MEGF11: variants seen among roughly 807,000 people sequenced by gnomAD.
MEGF11 encodes multiple EGF like domains 11.
Under a neutral mutation model 146.6 loss-of-function variants are expected in MEGF11, and 126 were observed. The ratio of observed to expected loss-of-function variants is 0.86; its 90% CI spans 0.74 to 1.00. The LOEUF (loss-of-function observed/expected upper bound fraction) is 1.00, where lower values mean the gene tolerates loss of function less well. Among genes scored for constraint, MEGF11 ranks in the 50% least tolerant of loss-of-function variants. The pLI, the probability that MEGF11 is intolerant of heterozygous loss-of-function variation, is 0.00. For missense variants in MEGF11, 1,509 were observed against 1,521.2 expected, an observed-to-expected ratio of 0.99 and a Z score of 0.13; for synonymous variants, 532 against 583.4, an observed-to-expected ratio of 0.91 and a Z score of 1.27.
At chr15:66,030,022 ATG>A (rs1234325944) in intron 5 of MEGF11, among the ~76,000 whole-genome samples, 1 of 152,152 alleles carries the variant, frequency 6.6e-6, no homozygotes, top group Non-Finnish European at 1.5e-5. Flanking sequence ...TCTCCAACCA[ATG>A]TTATCTCAGC....
chr15:65,957,452 C>T lies in MEGF11; in HGVS notation c.1287+95G>A, dbSNP rs972931362. 152 of 1,225,082 alleles carry T rather than the reference C, an allele frequency of 1.2e-4. 1 individual carries two copies. In the Admixed American group the frequency reaches 3.5e-3, roughly 28 times the overall value. The allele number at this position is 1,225,082 out of a possible 1,614,324, so 75.9% of individuals were successfully genotyped here. ...CTCTGAGGCGGACACAAGGAGGCAG[C>T]TGGGTGCAGGGCCACAGTCCTGATT... On this transcript the variant is annotated intron_variant, in intron 10 of 25. Transcript: ENST00000395614.
At chr15:66,213,197 A>C (rs2091506356) in intron 1 of MEGF11, among the ~76,000 whole-genome samples, 1 of 152,150 alleles carries the variant, frequency 6.6e-6, no homozygotes, top group Admixed American at 6.5e-5. Flanking sequence ...CTCGTGAATA[A>C]AATAAATGAA....
At chr15:66,242,957 C>A (rs1262064556) in intron 1 of MEGF11, among the ~76,000 whole-genome samples, 3 of 152,168 alleles carry the variant, frequency 2.0e-5, no homozygotes, top group African/African-American at 7.2e-5. Context: ...TGCCACTTGT[C>A]TCTGGGTAAA....
At chr15:66,119,307 G>T in intron 3 of MEGF11, 121 bp from the exon 4 acceptor site, 1 of 679,462 alleles carries the variant, frequency 1.5e-6, no homozygotes, top group Non-Finnish European at 2.5e-6. Context: ...AATGCATGGC[G>T]ACTTCAAATA....
At chr15:66,081,401 TAG>T (rs1158010104) in intron 5 of MEGF11, among the ~76,000 whole-genome samples, 4 of 152,156 alleles carry the variant, frequency 2.6e-5, no homozygotes, top group African/African-American at 9.7e-5. Context: ...TTTCTTGAGA[TAG>T]AGTCTCACTC....
chr15:65,900,093 G>A (rs534122664), intron 24 of MEGF11, among the ~76,000 whole-genome samples: 1 of 152,168 alleles, frequency 6.6e-6, no homozygotes, highest in Non-Finnish European at 1.5e-5. Flanking sequence ...CTCTAATCTA[G>A]CAGCTCTGAC....
At position 66,128,387 on chromosome 15, in the gene MEGF11, G is replaced by A. The variant is rs148958597; in HGVS notation, c.17C>T (p.Thr6Met). ...CAGGAAGGAGAAGGCAATGAGCCCCGTCAGGGAGAGCACCATCCCGGGCCC... is the reference window on the plus strand; with the variant it reads ...CAGGAAGGAGAAGGCAATGAGCCCCATCAGGGAGAGCACCATCCCGGGCCC... Reference protein sequence around the residue: MVLSLTGLIAFSFLQA... With the variant: MVLSLMGLIAFSFLQA... Residue 6 changes from threonine (T) to methionine (M), a missense_variant, in exon 2 of 26, where the codon ACG becomes ATG. Transcript: ENST00000395614. 3.2e-5 allele frequency: 49 copies of A among 1,516,478 alleles called. No homozygotes were observed. The highest frequency in any genetic ancestry group is 3.2e-4 in the East Asian group (12 of 37,990). 93.9% of individuals were successfully genotyped at this position (1,516,478 alleles called of 1,614,324 possible).
At chr15:66,245,530 G>A (rs1168751092) in intron 1 of MEGF11, among the ~76,000 whole-genome samples, 3 of 152,164 alleles carry the variant, frequency 2.0e-5, no homozygotes, top group Middle Eastern at 3.4e-3. Flanking sequence ...TACCCTGGAG[G>A]CTGAGGCGGG....
chr15:66,041,451 TC>T (rs1488834238), intron 5 of MEGF11, among the ~76,000 whole-genome samples: 2 of 152,252 alleles, frequency 1.3e-5, no homozygotes, highest in African/African-American at 4.8e-5. Context: ...GGCTCTGTGC[TC>T]CACAACAACT....
intron 5 of MEGF11, among the ~76,000 whole-genome samples, chr15:66,075,029 C>T (rs973573464): frequency 5.9e-5 from 9 of 152,166 alleles, no homozygotes; most frequent in African/African-American, 2.2e-4. Context: ...AAAATATATT[C>T]TGGATATTAA....
intron 5 of MEGF11, among the ~76,000 whole-genome samples, chr15:66,091,798 A>G (rs2086334156): frequency 6.6e-6 from 1 of 152,234 alleles, no homozygotes; most frequent in Admixed American, 6.5e-5. Flanking sequence ...AGCATTTAAG[A>G]GGAATAAAGG....
At chr15:66,071,910 T>G (rs2085383834) in intron 5 of MEGF11, among the ~76,000 whole-genome samples, 1 of 152,220 alleles carries the variant, frequency 6.6e-6, no homozygotes, top group Admixed American at 6.5e-5. Context: ...CCACCCAGCA[T>G]CAGCATCTGA....
chr15:66,029,589 G>T (rs565020427), intron 5 of MEGF11, among the ~76,000 whole-genome samples: 2 of 152,336 alleles, frequency 1.3e-5, no homozygotes, highest in South Asian at 2.1e-4. Context: ...ACTGATGAAC[G>T]GTGGTGTGAT....
chr15:66,005,119 A>G (rs2082481329), intron 5 of MEGF11, among the ~76,000 whole-genome samples: 1 of 152,172 alleles, frequency 6.6e-6, no homozygotes, highest in Non-Finnish European at 1.5e-5. Flanking sequence ...AAACAGATAC[A>G]AATTAATGGT....
chr15:66,090,053 G>A (rs755952054), intron 5 of MEGF11, among the ~76,000 whole-genome samples: 7 of 152,210 alleles, frequency 4.6e-5, no homozygotes, highest in Non-Finnish European at 1.0e-4. Flanking sequence ...AGGCAAATCA[G>A]CATCATCTCT....
intron 9 of MEGF11, among the ~76,000 whole-genome samples, chr15:65,963,381 C>T (rs917683135): frequency 2.0e-5 from 3 of 151,198 alleles, no homozygotes; most frequent in Admixed American, 6.6e-5. Flanking sequence ...TACTTGGGCA[C>T]ATGTTGGGAC....
At chr15:66,213,152 GC>G (rs879696138) in intron 1 of MEGF11, among the ~76,000 whole-genome samples, 3 of 152,124 alleles carry the variant, frequency 2.0e-5, no homozygotes, top group Non-Finnish European at 4.4e-5. Flanking sequence ...AATCAAATCT[GC>G]CACCTCATCC....
chr15:66,126,511 G>A (rs1220024063), intron 2 of MEGF11, among the ~76,000 whole-genome samples: 3 of 152,376 alleles, frequency 2.0e-5, no homozygotes, highest in East Asian at 1.9e-4. Flanking sequence ...TTGGGCAGGT[G>A]TACAAAATTA....
At chr15:66,112,126 G>T (rs531346539) in intron 4 of MEGF11, among the ~76,000 whole-genome samples, 67 of 151,380 alleles carry the variant, frequency 4.4e-4, no homozygotes, top group Non-Finnish European at 7.5e-4. Context: ...CTGCCATAAT[G>T]GAGAATCAGC....
Sources: gnomAD v4.1 joint callset for allele counts (sites outside exome capture counted in the v4.1 genomes callset) on GRCh38, gnomAD v4.1.1 for gene constraint, MANE v1.5 for transcripts, NCBI Gene and HGNC (gene_info 2026-07-23, HGNC 2026-07-21) for gene names.